The following PCGF3 variants were observed in gnomAD, a reference collection of about 807,000 sequenced individuals.
The protein encoded by PCGF3 is polycomb group ring finger 3, also known as polycomb group RING finger protein 3.
A neutral mutation model predicts 33.1 loss-of-function variants in PCGF3; 7 were observed. The observed-to-expected ratio is 0.21, with a 90% confidence interval of 0.12 to 0.40. PCGF3 has a LOEUF of 0.40. Among genes scored for constraint, PCGF3 ranks in the 10% least tolerant of loss-of-function variants. The pLI, the probability that PCGF3 is intolerant of heterozygous loss-of-function variation, is 1.00. For synonymous variants in PCGF3, 153 were observed against 121.3 expected (o/e 1.26, Z -1.72); for missense variants, 211 against 313.3 (o/e 0.67, Z 2.46).
chr4:733,655 C>A lies in PCGF3; in HGVS notation c.-9-17C>A, dbSNP rs376382186. On this transcript the variant is annotated splice_polypyrimidine_tract_variant and intron_variant, in intron 3 of 10. Coordinates refer to ENST00000362003, the Ensembl canonical transcript of PCGF3. The stretch of plus-strand genomic sequence containing the variant: ...GGAAGAGTTTCAGGTGTTAATTAAT[C>A]GCGTTTTCTCTTGTAGAAGCCAAAG... 1 of 1,589,818 alleles carries A rather than the reference C, an allele frequency of 6.3e-7. No homozygotes were observed. Among genetic ancestry groups the A allele is most frequent in the Admixed American group, 1.7e-5 (1 of 58,520 alleles).
intron 4 of PCGF3, chr4:734,390 G>A: frequency 7.2e-7 from 1 of 1,391,684 alleles, no homozygotes; most frequent in East Asian, 2.6e-5. Context: ...GTTTAAACAG[G>A]ATCTTTAAAA....
chr4:752,085 G>A (rs548179410), intron 8 of PCGF3, among the ~76,000 whole-genome samples: 53 of 152,364 alleles, frequency 3.5e-4, no homozygotes, highest in African/African-American at 1.2e-3. Context: ...TCTGTTTTCC[G>A]AGGGAGGGGA....
intron 7 of PCGF3, chr4:743,873 G>A (rs138688025): frequency 4.2e-4 from 123 of 294,934 alleles, no homozygotes; most frequent in African/African-American, 2.5e-3. Context: ...GTAGTGGAAG[G>A]TGAACTTCCT....
exon 11 of PCGF3, chr4:768,055 T>C (rs904985916): frequency 6.5e-6 from 1 of 152,750 alleles, no homozygotes; most frequent in Non-Finnish European, 1.5e-5. Flanking sequence ...AATAATCTCA[T>C]AATATATATT....
At chr4:758,344 C>G (rs73058469) in intron 8 of PCGF3, among the ~76,000 whole-genome samples, 10,238 of 146,292 alleles carry the variant, frequency 0.07, 418 homozygotes, top group South Asian at 0.13. Context: ...TCTTCTCGCT[C>G]CGGACTCCAG....
intron 9 of PCGF3, among the ~76,000 whole-genome samples, chr4:763,656 C>A (rs1745193733): frequency 6.6e-6 from 1 of 152,236 alleles, no homozygotes; most frequent in Non-Finnish European, 1.5e-5. Context: ...AGCTTGGCAG[C>A]TGCTGACAAC....
At position 762,271 on chromosome 4, in the gene PCGF3, C is replaced by T. The variant is rs563405773; in HGVS notation, c.600+855C>T. On this transcript the variant is annotated intron_variant, in intron 9 of 10. Coordinates refer to ENST00000362003, the Ensembl canonical transcript of PCGF3. ...CCTAAATCCCATGACACAAGTGAGGCGGAGGAAGACTCGAGACAGGAGGCC... is the reference window on the plus strand; with the variant it reads ...CCTAAATCCCATGACACAAGTGAGGTGGAGGAAGACTCGAGACAGGAGGCC... 5.7e-5 allele frequency: 13 copies of T among 227,904 alleles called. No individual in the cohort carries two copies. In the East Asian group the frequency reaches 7.3e-4, roughly 13 times the overall value. 14.1% of individuals were successfully genotyped at this position (227,904 alleles called of 1,614,324 possible). A position where few individuals can be genotyped will look rare whatever the true frequency, so the allele number is the denominator to read the frequency against.
intron 5 of PCGF3, among the ~76,000 whole-genome samples, chr4:736,365 A>G (rs1242727396): frequency 6.6e-6 from 1 of 152,146 alleles, no homozygotes; most frequent in Non-Finnish European, 1.5e-5. Context: ...ACTTTTCTTT[A>G]CATTATTTGG....
exon 11 of PCGF3, chr4:766,260 A>T: frequency 1.7e-6 from 1 of 588,114 alleles, no homozygotes; most frequent in East Asian, 2.9e-5. Context: ...ACGTTTACAG[A>T]GGATGAAAAC....
chr4:735,724 C>T (rs1019897717), intron 5 of PCGF3, among the ~76,000 whole-genome samples: 1 of 152,232 alleles, frequency 6.6e-6, no homozygotes, highest in Non-Finnish European at 1.5e-5. Context: ...GCCCTGCTGC[C>T]CCTGACACAT....
chr4:767,241 G>T (rs561607390), exon 11 of PCGF3: 1 of 152,342 alleles, frequency 6.6e-6, no homozygotes, highest in African/African-American at 2.4e-5. Flanking sequence ...GCCTCAGTTG[G>T]TTGCACCGTT....
chr4:752,732 G>A (rs1025905552), intron 8 of PCGF3, among the ~76,000 whole-genome samples: 3 of 152,344 alleles, frequency 2.0e-5, no homozygotes, highest in African/African-American at 7.2e-5. Context: ...CAGGCCCCCG[G>A]GGTCTTCCCA....
At chr4:744,564 A>G in intron 7 of PCGF3, 36 bp from the exon 8 acceptor site, 5 of 1,431,414 alleles carry the variant, frequency 3.5e-6, no homozygotes, top group Non-Finnish European at 4.8e-6. Flanking sequence ...GACAGTTTGG[A>G]TTTCATGGTG....
intron 1 of PCGF3, among the ~76,000 whole-genome samples, chr4:713,859 T>C (rs549724697): frequency 6.6e-5 from 10 of 152,334 alleles, no homozygotes; most frequent in African/African-American, 2.2e-4. Context: ...ATCATTGGAA[T>C]GTGGGGGCCA....
chr4:731,563 G>A (rs35927802), intron 3 of PCGF3, among the ~76,000 whole-genome samples: 10 of 93,760 alleles, frequency 1.1e-4, no homozygotes, highest in African/African-American at 2.9e-4. Context: ...TCCCCCTCCC[G>A]TCGTGGGTGG....
At chr4:767,346 A>G (rs1190091099) in exon 11 of PCGF3, 1 of 152,180 alleles carries the variant, frequency 6.6e-6, no homozygotes, top group Non-Finnish European at 1.5e-5. Context: ...AGTAACTTGG[A>G]AATATGAAAA....
At chr4:724,200 C>T (rs1743232235) in intron 1 of PCGF3, among the ~76,000 whole-genome samples, 1 of 152,190 alleles carries the variant, frequency 6.6e-6, no homozygotes, top group African/African-American at 2.4e-5. Flanking sequence ...GGCCTTGGGA[C>T]GAGAGCGAAG....
At chr4:749,056 G>A (rs377506443) in intron 8 of PCGF3, among the ~76,000 whole-genome samples, 1 of 152,130 alleles carries the variant, frequency 6.6e-6, no homozygotes. Context: ...ATTTATATCA[G>A]TGTTTACTTT....
intron 6 of PCGF3, among the ~76,000 whole-genome samples, chr4:741,619 G>A (rs1744094610): frequency 6.6e-6 from 1 of 152,148 alleles, no homozygotes; most frequent in Non-Finnish European, 1.5e-5. Flanking sequence ...ATGTTGGCCA[G>A]GCTGGTCTCG....
Sources: gnomAD v4.1 joint callset for allele counts (sites outside exome capture counted in the v4.1 genomes callset) on GRCh38, gnomAD v4.1.1 for gene constraint, MANE v1.5 for transcripts, NCBI Gene and HGNC (gene_info 2026-07-23, HGNC 2026-07-21) for gene names.